ROBO2: variants seen among roughly 807,000 people sequenced by gnomAD.
ROBO2 encodes the protein roundabout homolog 2.
In ROBO2, 53 loss-of-function variants were observed where a neutral mutation model predicts 160.8. The observed-to-expected ratio is 0.33, with a 90% CI of 0.26 to 0.41. The LOEUF is 0.41. Ranked by LOEUF, ROBO2 falls within the 10% of genes least tolerant of loss-of-function variation. The pLI, the probability that ROBO2 is intolerant of heterozygous loss-of-function variation, is 1.00. For synonymous variants in ROBO2, 664 were observed against 611.7 expected (o/e 1.09, Z -1.26); for missense variants, 1,577 against 1,722.4 (o/e 0.92, Z 1.49).
rs993353758 is a variant in ROBO2, at chr3:77,042,120, C to T, written c.61+1274C>T. ...CTACTGTCAAGTGGCTGTTTTCAAT[C>T]ATGGACTACATGAGTACCTTTGCCC... On this transcript the variant is annotated intron_variant, in intron 1 of 25. Coordinates refer to ENST00000461745, the Ensembl canonical transcript of ROBO2. Among the ~76,000 whole-genome samples, 9 of 152,306 alleles carry T rather than the reference C, an allele frequency of 5.9e-5. No individual in the cohort carries two copies. In the South Asian group the frequency reaches 1.5e-3, roughly 25 times the overall value.
intron 2 of ROBO2, among the ~76,000 whole-genome samples, chr3:77,298,605 C>T (rs143541795): frequency 4.7e-4 from 71 of 152,280 alleles, no homozygotes; most frequent in Non-Finnish European, 2.4e-4. Flanking sequence ...TTATTTGTTG[C>T]TGGGAAAGTA....
intron 1 of ROBO2, among the ~76,000 whole-genome samples, chr3:77,078,229 AT>A (rs1454949208): frequency 1.3e-5 from 2 of 152,228 alleles, no homozygotes; most frequent in Non-Finnish European, 2.9e-5. Context: ...TGAGCCGTTT[AT>A]AAACGTCCAG....
intron 2 of ROBO2, among the ~76,000 whole-genome samples, chr3:76,326,726 G>A (rs144281746): frequency 0.032 from 4,723 of 148,616 alleles, 249 homozygotes; most frequent in African/African-American, 0.11. Context: ...CCACTAACTC[G>A]TCATCTAGCA....
intron 2 of ROBO2, among the ~76,000 whole-genome samples, chr3:77,385,319 G>A (rs1431372593): frequency 2.0e-5 from 3 of 152,132 alleles, no homozygotes; most frequent in East Asian, 1.9e-4. Flanking sequence ...GTGAGCCACC[G>A]CACCTGGCCC....
intron 2 of ROBO2, among the ~76,000 whole-genome samples, chr3:76,030,379 C>A (rs2066881081): frequency 6.6e-6 from 1 of 152,146 alleles, no homozygotes; most frequent in Non-Finnish European, 1.5e-5. Context: ...AATTAGATCC[C>A]ATTCATCTAT....
intron 2 of ROBO2, among the ~76,000 whole-genome samples, chr3:76,581,731 G>A (rs2085714525): frequency 6.6e-6 from 1 of 152,078 alleles, no homozygotes; most frequent in South Asian, 2.1e-4. Context: ...TAAATTTAAG[G>A]AGTTTAATCT....
intron 2 of ROBO2, among the ~76,000 whole-genome samples, chr3:77,289,535 C>T (rs571314056): frequency 1.9e-3 from 286 of 150,508 alleles, no homozygotes; most frequent in Middle Eastern, 3.6e-3. Flanking sequence ...GGCTAGATCA[C>T]CCCAGACATA....
intron 2 of ROBO2, among the ~76,000 whole-genome samples, chr3:77,386,895 G>A (rs756349333): frequency 4.6e-5 from 7 of 151,882 alleles, no homozygotes; most frequent in African/African-American, 9.7e-5. Context: ...GAACCACTGC[G>A]CCCAGCCGAT....
chr3:77,044,545 C>CT (rs1202239024), intron 1 of ROBO2, among the ~76,000 whole-genome samples: 1 of 151,886 alleles, frequency 6.6e-6, no homozygotes, highest in Non-Finnish European at 1.5e-5. Context: ...TTCTCCTCCT[C>CT]TTTTTTTCTT....
intron 5 of ROBO2, among the ~76,000 whole-genome samples, chr3:77,497,841 TA>T (rs1474707028): frequency 6.6e-6 from 1 of 152,034 alleles, no homozygotes; most frequent in East Asian, 1.9e-4. Flanking sequence ...TAAAGCTCTG[TA>T]AAAAAGTATC....
intron 2 of ROBO2, among the ~76,000 whole-genome samples, chr3:76,654,587 C>T (rs1489670106): frequency 1.3e-5 from 2 of 152,046 alleles, no homozygotes; most frequent in East Asian, 3.9e-4. Flanking sequence ...TGACCACCTA[C>T]TGTGTACAAG....
At chr3:76,894,035 A>C (rs913108598) in intron 2 of ROBO2, among the ~76,000 whole-genome samples, 2 of 152,170 alleles carry the variant, frequency 1.3e-5, no homozygotes, top group African/African-American at 4.8e-5. Flanking sequence ...CTCTTTCAAC[A>C]GTAGAGATTA....
At chr3:76,185,391 C>A (rs1312749542) in intron 2 of ROBO2, among the ~76,000 whole-genome samples, 1 of 151,544 alleles carries the variant, frequency 6.6e-6, no homozygotes, top group Non-Finnish European at 1.5e-5. Context: ...TTATTGGCTA[C>A]TTGATAGCAT....
chr3:76,228,493 T>C (rs886138480), intron 2 of ROBO2, among the ~76,000 whole-genome samples: 2 of 152,122 alleles, frequency 1.3e-5, no homozygotes, highest in Admixed American at 6.6e-5. Context: ...AGAAAACCCA[T>C]AGTATTTGAA....
At chr3:76,754,316 A>G (rs574250900) in intron 2 of ROBO2, among the ~76,000 whole-genome samples, 3 of 151,914 alleles carry the variant, frequency 2.0e-5, no homozygotes, top group Non-Finnish European at 4.4e-5. Context: ...AAGACACGAA[A>G]TATTCTGTAT....
At chr3:76,531,061 G>GT (rs2108051527) in intron 2 of ROBO2, among the ~76,000 whole-genome samples, 1 of 152,244 alleles carries the variant, frequency 6.6e-6, no homozygotes, top group South Asian at 2.1e-4. Flanking sequence ...AGATTTTGAG[G>GT]TTTTTGAAGC....
At chr3:76,273,405 G>A (rs1376864606) in intron 2 of ROBO2, among the ~76,000 whole-genome samples, 1 of 151,842 alleles carries the variant, frequency 6.6e-6, no homozygotes, top group Non-Finnish European at 1.5e-5. Flanking sequence ...GAATAACACG[G>A]AGTGGGTGTA....
chr3:76,445,361 A>G (rs1424000572), intron 2 of ROBO2, among the ~76,000 whole-genome samples: 1 of 152,196 alleles, frequency 6.6e-6, no homozygotes, highest in Non-Finnish European at 1.5e-5. Context: ...CACAGAAATG[A>G]AGCTATAGCA....
intron 2 of ROBO2, among the ~76,000 whole-genome samples, chr3:76,742,189 A>G (rs562140802): frequency 6.6e-6 from 1 of 152,166 alleles, no homozygotes; most frequent in South Asian, 2.1e-4. Flanking sequence ...GCTATATACA[A>G]AGATAAAGAT....
Sources: allele counts gnomAD v4.1 joint callset (sites outside exome capture counted in the v4.1 genomes callset), GRCh38; gene constraint gnomAD v4.1.1; transcripts MANE v1.5; gene names NCBI Gene and HGNC (gene_info 2026-07-23, HGNC 2026-07-21).